TCF20: variants seen among roughly 807,000 people sequenced by gnomAD.
TCF20 encodes SPRE-binding protein.
A neutral mutation model predicts 148.6 loss-of-function variants in TCF20; 3 were observed. That is an observed-to-expected ratio of 0.02 (90% confidence interval 0.01 to 0.05). The LOEUF (loss-of-function observed/expected upper bound fraction) is 0.05, where lower values mean the gene tolerates loss of function less well. Among genes scored for constraint, TCF20 ranks in the 10% least tolerant of loss-of-function variants. The probability of loss-of-function intolerance (pLI) is 1.00; values close to 1 mark genes in which losing one functional copy is unlikely to be tolerated. For synonymous variants in TCF20, 1,049 were observed against 909.5 expected (o/e 1.15, Z -2.76); for missense variants, 2,350 against 2,429.3 (o/e 0.97, Z 0.69).
At chr22:42,188,293 C>CAGAAAAAAAAA (rs1937147410) in intron 2 of TCF20, among the ~76,000 whole-genome samples, 1 of 49,470 alleles carries the variant, frequency 2.0e-5, no homozygotes, top group Non-Finnish European at 4.3e-5. Context: ...AACTCCGTCT[C>CAGAAAAAAAAA]AAAAAAAAAA....
In TCF20 at chr22:42,211,622, C is replaced by T; in HGVS notation, c.3684G>A (p.Gln1228=). 5 of 1,614,220 alleles carry T rather than the reference C, an allele frequency of 3.1e-6. No individual in the cohort carries two copies. The highest frequency in any genetic ancestry group is 4.2e-6 in the Non-Finnish European group (5 of 1,180,046). Residue 1228 remains glutamine (Q), a synonymous_variant, in exon 2 of 6, where the codon CAG becomes CAA. Transcript: ENST00000677622. The part of the protein sequence containing the change: ...TDGHGLAEAT[Q]SSKPGSVMLR... ...GCATAACACTACCAGGTTTGGATGA[C>T]TGTGTAGCCTCAGCTAGTCCATGTC... is the stretch of plus-strand genomic sequence containing the variant.
intron 2 of TCF20, among the ~76,000 whole-genome samples, chr22:42,204,869 AAATT>A (rs1469055545): frequency 1.1e-4 from 17 of 152,170 alleles, no homozygotes; most frequent in African/African-American, 4.1e-4. Context: ...TAGAAAATAA[AAATT>A]AACCTAAAAC....
chr22:42,302,497 C>G (rs1167437468), intron 1 of TCF20, among the ~76,000 whole-genome samples: 2 of 152,180 alleles, frequency 1.3e-5, no homozygotes, highest in African/African-American at 4.8e-5. Flanking sequence ...ACTAGCCATG[C>G]CCCTTTCACA....
At position 42,214,184 on chromosome 22, in the gene TCF20, G is replaced by C; in HGVS notation, c.1122C>G (p.Ala374=). 1 of 1,614,214 alleles carries C rather than the reference G, an allele frequency of 6.2e-7. No homozygotes were observed. Among genetic ancestry groups the C allele is most frequent in the South Asian group, 1.1e-5 (1 of 91,084 alleles). ...TACAGCTTGGAGACTGAACCACAGA[G>C]GCAGCTGGAGAAGGGTTAGAAATGG... ...FSPISNPSPA[A]SVVQSPSCSS... The change falls in exon 2 of 6, where the codon GCC becomes GCG. Residue 374 remains alanine, a synonymous_variant. Transcript: ENST00000677622.
intron 1 of TCF20, among the ~76,000 whole-genome samples, chr22:42,250,971 C>T (rs975742725): frequency 5.9e-5 from 9 of 152,152 alleles, no homozygotes; most frequent in Non-Finnish European, 1.5e-5. Flanking sequence ...AGAAGTCGCT[C>T]ACCGTCTCGA....
intron 1 of TCF20, among the ~76,000 whole-genome samples, chr22:42,230,482 A>T (rs529653441): frequency 6.6e-6 from 1 of 152,320 alleles, no homozygotes; most frequent in African/African-American, 2.4e-5. Flanking sequence ...TTCTACTTAT[A>T]AAAATAGTTA....
At chr22:42,198,561 T>C (rs2147153749) in intron 2 of TCF20, among the ~76,000 whole-genome samples, 1 of 152,296 alleles carries the variant, frequency 6.6e-6, no homozygotes, top group Non-Finnish European at 1.5e-5. Flanking sequence ...ATACCTAATA[T>C]GATGTAGCTA....
At chr22:42,322,554 G>A (rs1347122315) in intron 1 of TCF20, among the ~76,000 whole-genome samples, 2 of 151,880 alleles carry the variant, frequency 1.3e-5, no homozygotes, top group Admixed American at 6.6e-5. Flanking sequence ...GAGGAAGGAC[G>A]TTCGTTCATT....
chr22:42,286,087 C>T (rs1927026554), upstream of TCF20, among the ~76,000 whole-genome samples: 1 of 152,196 alleles, frequency 6.6e-6, no homozygotes, highest in African/African-American at 2.4e-5. Context: ...ACTGACCCCT[C>T]TGAGCCTGCC....
At chr22:42,238,204 T>C (rs904934523) in intron 1 of TCF20, among the ~76,000 whole-genome samples, 1 of 152,254 alleles carries the variant, frequency 6.6e-6, no homozygotes, top group Admixed American at 6.5e-5. Flanking sequence ...TCAACTTGCA[T>C]TTTAATGTTA....
intron 1 of TCF20, among the ~76,000 whole-genome samples, chr22:42,241,764 GTGCAGTGAGAGCCAAGATCGTGCCAC>G (rs1456629961): frequency 6.6e-6 from 1 of 151,880 alleles, no homozygotes; most frequent in Non-Finnish European, 1.5e-5. Flanking sequence ...GAGGCAGAGG[GTGCAGTGAGAGCCAAGATCGTGCCAC>G]TGCACTGCAC....
At chr22:42,250,726 G>T (rs1418221424) in intron 1 of TCF20, among the ~76,000 whole-genome samples, 1 of 152,200 alleles carries the variant, frequency 6.6e-6, no homozygotes, top group Non-Finnish European at 1.5e-5. Flanking sequence ...ATTGTGTAAA[G>T]TGGTGTACTA....
chr22:42,296,749 T>C (rs1416706809), intron 1 of TCF20, among the ~76,000 whole-genome samples: 2 of 152,230 alleles, frequency 1.3e-5, no homozygotes, highest in Non-Finnish European at 2.9e-5. Context: ...GGGGCCCTGC[T>C]GATGCCAGCC....
upstream of TCF20, among the ~76,000 whole-genome samples, chr22:42,272,681 T>A (rs2147007417): frequency 6.6e-6 from 1 of 152,302 alleles, no homozygotes; most frequent in Non-Finnish European, 1.5e-5. Flanking sequence ...ACTTCCCCAG[T>A]CCTTGGACCA....
chr22:42,197,265 C>A (rs1023231663), intron 2 of TCF20, among the ~76,000 whole-genome samples: 3 of 151,678 alleles, frequency 2.0e-5, no homozygotes, highest in Admixed American at 6.6e-5. Flanking sequence ...TGATTTCCAG[C>A]AAAGTTAGTT....
intron 1 of TCF20, among the ~76,000 whole-genome samples, chr22:42,324,145 GTGATAGAGGTTA>G (rs1927821515): frequency 7.2e-6 from 1 of 138,578 alleles, no homozygotes; most frequent in Non-Finnish European, 1.6e-5. Flanking sequence ...GGTGGTGGTG[GTGATAGAGGTTA>G]TGGTGATGGT....
intron 1 of TCF20, among the ~76,000 whole-genome samples, chr22:42,241,896 C>T (rs1924436574): frequency 1.3e-5 from 2 of 151,492 alleles, no homozygotes; most frequent in African/African-American, 4.9e-5. Flanking sequence ...AAGTAATCTA[C>T]CCAGAATGAA....
chr22:42,324,147 GATA>G (rs1477560891), intron 1 of TCF20, among the ~76,000 whole-genome samples: 1 of 92,584 alleles, frequency 1.1e-5, no homozygotes, highest in African/African-American at 4.4e-5. Context: ...TGGTGGTGGT[GATA>G]GAGGTTATGG....
chr22:42,185,011 T>C (rs1241650504), intron 2 of TCF20, among the ~76,000 whole-genome samples: 2 of 152,220 alleles, frequency 1.3e-5, no homozygotes, highest in African/African-American at 2.4e-5. Flanking sequence ...GTTTAATCCT[T>C]ATCTGAGGGA....
Sources: allele counts gnomAD v4.1 joint callset (sites outside exome capture counted in the v4.1 genomes callset), GRCh38; gene constraint gnomAD v4.1.1; transcripts MANE v1.5; gene names NCBI Gene and HGNC (gene_info 2026-07-23, HGNC 2026-07-21).